IL1RAPL1: variants seen among roughly 807,000 people sequenced by gnomAD.
The protein encoded by IL1RAPL1 is interleukin 1 receptor accessory protein like 1.
In IL1RAPL1, 3 loss-of-function variants were observed where a neutral mutation model predicts 48.4. The ratio of observed to expected loss-of-function variants is 0.06; its 90% CI spans 0.03 to 0.16. The LOEUF is 0.16. Ranked by LOEUF, IL1RAPL1 falls within the 10% of genes least tolerant of loss-of-function variation. The pLI is 1.00. For missense variants in IL1RAPL1, 349 were observed against 530.6 expected (o/e 0.66, Z 3.36); for synonymous variants, 185 against 187.7 (o/e 0.99, Z 0.12).
At chrX:28,634,325 A>ATATG (rs1555911608) in intron 1 of IL1RAPL1, among the ~76,000 whole-genome samples, 4 of 106,601 alleles carry the variant, frequency 3.8e-5, no homozygotes, top group African/African-American at 1.0e-4. Flanking sequence ...TTATATATAT[A>ATATG]TGTGTGTGTG....
intron 6 of IL1RAPL1, among the ~76,000 whole-genome samples, chrX:29,765,291 C>G (rs1438560219): frequency 9.6e-6 from 1 of 104,372 alleles, no homozygotes; most frequent in African/African-American, 3.6e-5. Flanking sequence ...AATTGTCATC[C>G]CAGTTATTTA....
At chrX:29,059,660 G>C (rs1466591291) in intron 2 of IL1RAPL1, among the ~76,000 whole-genome samples, 3 of 111,475 alleles carry the variant, frequency 2.7e-5, no homozygotes, top group Non-Finnish European at 5.7e-5. Flanking sequence ...AATAATGCTG[G>C]GAAGTCTTTG....
intron 1 of IL1RAPL1, among the ~76,000 whole-genome samples, chrX:28,722,761 C>T (rs56236123): frequency 0.013 from 1,469 of 111,252 alleles, 11 homozygotes; most frequent in Non-Finnish European, 0.02. Flanking sequence ...TTTTGAGATA[C>T]GTCCCATCAA....
intron 5 of IL1RAPL1, among the ~76,000 whole-genome samples, chrX:29,576,251 C>G (rs189047714): frequency 3.9e-4 from 44 of 111,843 alleles, no homozygotes; most frequent in Admixed American, 2.6e-3. Context: ...TTAACACCTT[C>G]TCCTCCCCAT....
chrX:29,878,454 C>T (rs1300413224), intron 6 of IL1RAPL1, among the ~76,000 whole-genome samples: 1 of 111,432 alleles, frequency 9.0e-6, no homozygotes, highest in African/African-American at 3.3e-5. Context: ...GTGGTAGATG[C>T]AAAACAGAAT....
intron 5 of IL1RAPL1, chrX:29,574,212 C>T (rs779309261): frequency 2.7e-5 from 3 of 109,254 alleles, no homozygotes; most frequent in Non-Finnish European, 5.7e-5. Context: ...TGCTACACAA[C>T]CAGATCTCCT....
chrX:28,798,487 C>T (rs1936639445), intron 2 of IL1RAPL1, among the ~76,000 whole-genome samples: 1 of 111,671 alleles, frequency 9.0e-6, no homozygotes, highest in Admixed American at 9.5e-5. Context: ...ATTGGGCATC[C>T]TCAGATAACC....
chrX:29,081,957 G>A (rs758240260), intron 2 of IL1RAPL1, among the ~76,000 whole-genome samples: 1 of 110,689 alleles, frequency 9.0e-6, no homozygotes, highest in East Asian at 2.9e-4. Flanking sequence ...AGTGCAGACT[G>A]CCTGTTCATA....
At chrX:29,326,143 T>G (rs187265842) in intron 3 of IL1RAPL1, among the ~76,000 whole-genome samples, 58 of 112,384 alleles carry the variant, frequency 5.2e-4, no homozygotes, top group Non-Finnish European at 1.7e-4. Context: ...CTATTTTATT[T>G]GGTAGAGGTT....
intron 6 of IL1RAPL1, among the ~76,000 whole-genome samples, chrX:29,912,654 A>G (rs1932766444): frequency 8.9e-6 from 1 of 112,028 alleles, no homozygotes; most frequent in Non-Finnish European, 1.9e-5. Flanking sequence ...GATTTAATGG[A>G]TGAAGCGTGT....
rs941055210 is a variant in IL1RAPL1 at position 29,850,957 on chromosome X, C to G, written c.779-66507C>G. 3.6e-5 allele frequency among the ~76,000 whole-genome samples: 4 copies of G among 111,744 alleles called. No individual in the cohort carries two copies. In the Admixed American group the frequency reaches 3.8e-4, roughly 11 times the overall value. The stretch of plus-strand genomic sequence containing the variant: ...TTCTTTATGTAAATAATACCAAGAA[C>G]TTTCTCCCTTTCCTTTGAGGAGGTA... On this transcript the variant is annotated intron_variant, in intron 6 of 10. Coordinates refer to ENST00000378993, the MANE Select transcript of IL1RAPL1 (RefSeq NM_014271.4).
At chrX:29,921,158 T>C (rs773174106) in intron 8 of IL1RAPL1, among the ~76,000 whole-genome samples, 9 of 112,453 alleles carry the variant, frequency 8.0e-5, no homozygotes, top group South Asian at 3.7e-4. Flanking sequence ...AACTGTAAAA[T>C]GTGAGCCATT....
At chrX:29,751,694 G>T (rs1317187146) in intron 6 of IL1RAPL1, among the ~76,000 whole-genome samples, 1 of 110,678 alleles carries the variant, frequency 9.0e-6, no homozygotes, top group Non-Finnish European at 1.9e-5. Context: ...GTTTTGGGAG[G>T]CCGAGGTGGG....
At chrX:28,776,519 CTT>C (rs1466043271) in intron 1 of IL1RAPL1, among the ~76,000 whole-genome samples, 1 of 112,009 alleles carries the variant, frequency 8.9e-6, no homozygotes, top group East Asian at 2.8e-4. Context: ...CATGCAGAGA[CTT>C]TGCAAGCCCA....
chrX:29,003,923 C>T (rs1038133696), intron 2 of IL1RAPL1, among the ~76,000 whole-genome samples: 34 of 112,119 alleles, frequency 3.0e-4, no homozygotes, highest in African/African-American at 1.1e-3. Context: ...AGCTGGATCA[C>T]CTGAAGTCAG....
intron 2 of IL1RAPL1, among the ~76,000 whole-genome samples, chrX:29,231,170 T>G (rs1222596244): frequency 9.0e-6 from 1 of 111,612 alleles, no homozygotes; most frequent in African/African-American, 3.3e-5. Flanking sequence ...GTGCAGTTGC[T>G]TTTGTTTATA....
intron 5 of IL1RAPL1, among the ~76,000 whole-genome samples, chrX:29,463,710 G>A (rs889213274): frequency 3.6e-5 from 4 of 111,846 alleles, no homozygotes; most frequent in African/African-American, 9.7e-5. Flanking sequence ...GGTAGATTGT[G>A]AGCGGCCTTA....
At chrX:28,698,019 A>G (rs1045928694) in intron 1 of IL1RAPL1, among the ~76,000 whole-genome samples, 2 of 111,518 alleles carry the variant, frequency 1.8e-5, no homozygotes, top group Non-Finnish European at 3.8e-5. Flanking sequence ...CAGCTGTTCA[A>G]TCTCTTCTAC....
intron 6 of IL1RAPL1, among the ~76,000 whole-genome samples, chrX:29,710,086 T>C (rs1219408180): frequency 8.9e-6 from 1 of 111,817 alleles, no homozygotes; most frequent in Non-Finnish European, 1.9e-5. Flanking sequence ...GTTTTCCATA[T>C]ATAAGATCAT....
Sources: allele counts gnomAD v4.1 joint callset (sites outside exome capture counted in the v4.1 genomes callset), GRCh38; gene constraint gnomAD v4.1.1; transcripts MANE v1.5; gene names NCBI Gene and HGNC (gene_info 2026-07-23, HGNC 2026-07-21).